The following EIF2AK4 variants were observed in gnomAD, a reference collection of about 807,000 sequenced individuals.
EIF2AK4 encodes the protein eukaryotic translation initiation factor 2 alpha kinase 4.
EIF2AK4 carries 139 observed loss-of-function variants against 211.1 expected under a neutral mutation model. The observed-to-expected ratio is 0.66, with a 90% confidence interval of 0.57 to 0.76. EIF2AK4 has a LOEUF of 0.76. Ranked by LOEUF, EIF2AK4 falls within the 30% of genes least tolerant of loss-of-function variation. The pLI is 0.00. For missense variants in EIF2AK4, 1,664 were observed against 2,043.8 expected (o/e 0.81, Z 3.58); for synonymous variants, 710 against 751.3 (o/e 0.94, Z 0.90).
At chr15:39,937,800 G>T (rs1224770563) in intron 1 of EIF2AK4, among the ~76,000 whole-genome samples, 1 of 151,998 alleles carries the variant, frequency 6.6e-6, no homozygotes, top group Non-Finnish European at 1.5e-5. Context: ...CTCCAGCTAG[G>T]CAGCTAGACA....
chr15:40,030,481 GCTTT>G (rs773048358), intron 35 of EIF2AK4, 25 bp downstream of exon 35: 16 of 1,594,770 alleles, frequency 1.0e-5, no homozygotes, highest in Non-Finnish European at 1.4e-5. Flanking sequence ...GGTTTCTTTG[GCTTT>G]CTAATATGAG....
At chr15:40,002,025 A>G (rs371994360) in intron 21 of EIF2AK4, among the ~76,000 whole-genome samples, 1 of 152,214 alleles carries the variant, frequency 6.6e-6, no homozygotes, top group African/African-American at 2.4e-5. Context: ...TATATTCTCT[A>G]TTATGTTTCT....
intron 2 of EIF2AK4, among the ~76,000 whole-genome samples, chr15:39,940,387 G>A (rs1056289719): frequency 2.0e-5 from 3 of 152,272 alleles, no homozygotes; most frequent in East Asian, 1.9e-4. Flanking sequence ...AACCAGTGAA[G>A]GTTTTTGAGA....
intron 32 of EIF2AK4, among the ~76,000 whole-genome samples, chr15:40,024,403 CTTTTTTTTTTT>C (rs554877205): frequency 3.3e-5 from 3 of 90,744 alleles, no homozygotes; most frequent in African/African-American, 8.6e-5. Flanking sequence ...TTGAGTTTTC[CTTTTTTTTTTT>C]TTTTTTTTTT....
chr15:39,941,072 C>G (rs193010567), intron 2 of EIF2AK4, among the ~76,000 whole-genome samples: 1 of 152,050 alleles, frequency 6.6e-6, no homozygotes, highest in Admixed American at 6.6e-5. Context: ...GCTCCCATAC[C>G]CTCTCCAGGC....
intron 20 of EIF2AK4, among the ~76,000 whole-genome samples, chr15:39,999,997 C>G (rs866384411): frequency 1.3e-5 from 2 of 152,166 alleles, no homozygotes; most frequent in Non-Finnish European, 2.9e-5. Context: ...ACAAAAACAA[C>G]AAAACCACAA....
chr15:39,979,493 T>G (rs1377155508), intron 13 of EIF2AK4, among the ~76,000 whole-genome samples: 4 of 152,344 alleles, frequency 2.6e-5, no homozygotes, highest in South Asian at 2.1e-4. Context: ...AGATAGATCT[T>G]CTGCTGCTTA....
intron 1 of EIF2AK4, among the ~76,000 whole-genome samples, chr15:39,938,791 G>A (rs913060507): frequency 1.3e-5 from 2 of 152,172 alleles, no homozygotes; most frequent in African/African-American, 4.8e-5. Context: ...TGCAAAGTTG[G>A]TAAGGTGCCT....
intron 6 of EIF2AK4, among the ~76,000 whole-genome samples, chr15:39,958,151 A>C (rs913431356): frequency 2.6e-5 from 4 of 152,252 alleles, no homozygotes; most frequent in Non-Finnish European, 1.5e-5. Context: ...AAGTGCAGAC[A>C]TAGTCCCCCC....
In EIF2AK4 at chr15:39,967,479, G is replaced by C; in HGVS notation, c.1153G>C (p.Val385Leu). Residue 385 changes from valine to leucine, a missense_variant, in exon 9 of 39, where the codon GTC (valine) becomes CTC (leucine). By Grantham distance (32) the Val-to-Leu change is conservative. Transcript: ENST00000263791. ...CATTTTAGTGGAGCACATTAGTGGG[G>C]TCTCTCTTGCTGCACACCTGAGCCA... ...VDILVEHISG[V>L]SLAAHLSHSG... 1 of 1,614,070 alleles carries C rather than the reference G, an allele frequency of 6.2e-7. No individual in the cohort carries two copies. Among genetic ancestry groups the C allele is most frequent in the Non-Finnish European group, 8.5e-7 (1 of 1,180,010 alleles).
chr15:39,941,289 C>T (rs1440062296), intron 2 of EIF2AK4, among the ~76,000 whole-genome samples: 2 of 152,164 alleles, frequency 1.3e-5, no homozygotes, highest in East Asian at 3.9e-4. Flanking sequence ...GTAATCAAGG[C>T]TTGGTTTTTC....
intron 35 of EIF2AK4, among the ~76,000 whole-genome samples, chr15:40,031,091 T>C (rs2035536492): frequency 6.6e-6 from 1 of 152,036 alleles, no homozygotes; most frequent in Non-Finnish European, 1.5e-5. Context: ...AATACAAAAA[T>C]TAGCCAAGCG....
intron 37 of EIF2AK4, 115 bp from the exon 38 acceptor site, chr15:40,034,211 T>C (rs989069693): frequency 5.9e-5 from 46 of 775,162 alleles, no homozygotes; most frequent in Non-Finnish European, 9.5e-5. Flanking sequence ...CTATTACTGA[T>C]TCTCCTGGTA....
At chr15:39,973,072 G>A (rs1595402207) in intron 10 of EIF2AK4, 58 bp downstream of exon 10, 2 of 1,487,940 alleles carry the variant, frequency 1.3e-6, no homozygotes, top group East Asian at 4.5e-5. Flanking sequence ...TATTTTGAAA[G>A]TATACATAAA....
chr15:40,017,551 A>ATATATATG lies in EIF2AK4; in HGVS notation c.4065+312_4065+313insATATGTAT, dbSNP rs71132134. ...TATATATATATATATATATATATATATATGTATTTTGGAGACAGGGCCTTG... is the reference window on the plus strand; with the variant it reads ...TATATATATATATATATATATATATATATATATGTATGTATTTTGGAGACAGGGCCTTG... On this transcript the variant is annotated intron_variant, in intron 29 of 38. Coordinates refer to ENST00000263791, the MANE Select transcript of EIF2AK4 (RefSeq NM_001013703.4). 2.0e-3 allele frequency among the ~76,000 whole-genome samples: 171 copies of ATATATATG among 86,634 alleles called. 1 individual carries two copies. Among genetic ancestry groups the ATATATATG allele is most frequent in the Non-Finnish European group, 3.0e-3 (131 of 43,178 alleles). 56.8% of individuals were successfully genotyped at this position (86,634 alleles called of 152,430 possible). A position where few individuals can be genotyped will look rare whatever the true frequency, so the allele number is the denominator to read the frequency against.
intron 23 of EIF2AK4, 48 bp from the exon 24 acceptor site, chr15:40,006,967 CA>C: frequency 2.1e-6 from 3 of 1,440,638 alleles, no homozygotes; most frequent in South Asian, 1.2e-5. Context: ...CCGCTATTAA[CA>C]AAAGGCACAT....
rs1015896788 is a variant in EIF2AK4, at chr15:39,976,652, C to G, written c.2057C>G (p.Pro686Arg). Residue 686 changes from proline to arginine, a missense_variant, in exon 12 of 39, where the codon CCG (proline) becomes CGG (arginine). Transcript: ENST00000263791. ...GATGACCGAGCTGCACGCGGGCAGCCGGCGAGCGACACAGACGGCCTGGAC... is the reference window on the plus strand; with the variant it reads ...GATGACCGAGCTGCACGCGGGCAGCGGGCGAGCGACACAGACGGCCTGGAC... ...AKDDRAARGQ[P>R]ASDTDGLDSV... is the part of the protein sequence containing the mutation. The G allele has an allele frequency of 6.2e-7, 1 of 1,603,572 alleles. No individual in the cohort carries two copies. Among genetic ancestry groups the G allele is most frequent in the African/African-American group, 1.3e-5 (1 of 74,676 alleles).
chr15:39,977,154 A>AACAAAT, intron 12 of EIF2AK4: 1 of 300,900 alleles, frequency 3.3e-6, no homozygotes, highest in Non-Finnish European at 6.1e-6. Context: ...CAAAAACAAA[A>AACAAAT]CAAAACCACC....
At chr15:39,935,060 C>CA (rs1189797571) in intron 1 of EIF2AK4, among the ~76,000 whole-genome samples, 1 of 151,906 alleles carries the variant, frequency 6.6e-6, no homozygotes, top group Non-Finnish European at 1.5e-5. Context: ...AAAAAATTCG[C>CA]AAAAAAACCT....
Sources: allele counts gnomAD v4.1 joint callset (sites outside exome capture counted in the v4.1 genomes callset), GRCh38; gene constraint gnomAD v4.1.1; transcripts MANE v1.5; gene names NCBI Gene and HGNC (gene_info 2026-07-23, HGNC 2026-07-21).